INTS15: variants seen among roughly 807,000 people sequenced by gnomAD.
INTS15 encodes the protein uncharacterized protein C7orf26.
At chr7:6,591,951 C>A in the INTS15 span, 2 of 1,270,832 alleles carry the variant, frequency 1.6e-6, no homozygotes, top group South Asian at 2.5e-5. Context: ...GTGGGCGGAT[C>A]ACTTGAGGTC....
the INTS15 span, among the ~76,000 whole-genome samples, chr7:6,591,172 C>T: frequency 5.9e-5 from 9 of 152,038 alleles, no homozygotes; most frequent in Admixed American, 2.0e-4. Flanking sequence ...GCAAAGATCT[C>T]CCTGAGACCT....
the INTS15 span, among the ~76,000 whole-genome samples, chr7:6,592,543 G>T: frequency 2.6e-5 from 4 of 151,958 alleles, no homozygotes; most frequent in Non-Finnish European, 5.9e-5. Context: ...CTCCAGCCTG[G>T]GTTACAGAGT....
chr7:6,590,157 G>T, the INTS15 span: 1 of 779,124 alleles, frequency 1.3e-6, no homozygotes, highest in Non-Finnish European at 1.8e-6. Flanking sequence ...GGCGGCAGGC[G>T]GGCAAGCGGG....
chr7:6,591,353 G>A, the INTS15 span, among the ~76,000 whole-genome samples: 5 of 146,666 alleles, frequency 3.4e-5, no homozygotes, highest in African/African-American at 7.6e-5. Context: ...TGCAACCTCC[G>A]CCTCCCAGGT....
chr7:6,606,733 C>A, the INTS15 span, among the ~76,000 whole-genome samples: 1 of 148,996 alleles, frequency 6.7e-6, no homozygotes, highest in Admixed American at 6.7e-5. Context: ...GGGACTCACA[C>A]TGGCTCCCAG....
the INTS15 span, among the ~76,000 whole-genome samples, chr7:6,594,001 C>CT: frequency 0.14 from 9,413 of 68,844 alleles, 1,213 homozygotes; most frequent in African/African-American, 0.35. Flanking sequence ...AAGCCTTTAA[C>CT]TTTTTTTTTT....
the INTS15 span, chr7:6,602,200 A>G: frequency 7.0e-7 from 1 of 1,429,776 alleles, no homozygotes; most frequent in Non-Finnish European, 9.7e-7. Context: ...GAGGGAGGCA[A>G]GACAGGGCGA....
the INTS15 span, among the ~76,000 whole-genome samples, chr7:6,605,202 T>A: frequency 6.6e-6 from 1 of 152,170 alleles, no homozygotes; most frequent in African/African-American, 2.4e-5. Context: ...TTGGCCAGGC[T>A]GGTCTCGAAC....
the INTS15 span, among the ~76,000 whole-genome samples, chr7:6,591,477 G>C: frequency 6.6e-6 from 1 of 151,912 alleles, no homozygotes; most frequent in African/African-American, 2.4e-5. Context: ...TGTTGGCCAG[G>C]CTGGTCTCGA....
the INTS15 span, among the ~76,000 whole-genome samples, chr7:6,603,572 C>A: frequency 6.6e-6 from 1 of 151,884 alleles, no homozygotes; most frequent in South Asian, 2.1e-4. Flanking sequence ...CTGGGCACGG[C>A]TCACAACTGT....
At chr7:6,602,704 C>G in the INTS15 span, 3 of 471,070 alleles carry the variant, frequency 6.4e-6, no homozygotes, top group African/African-American at 6.0e-5. Context: ...TTGTGAATTT[C>G]TCATCCTACT....
the INTS15 span, among the ~76,000 whole-genome samples, chr7:6,604,145 G>A: frequency 6.6e-6 from 1 of 152,020 alleles, no homozygotes; most frequent in African/African-American, 2.4e-5. Context: ...GCACGATCTC[G>A]GCTCACTGCA....
At chr7:6,591,764 A>G in the INTS15 span, 1 of 1,614,172 alleles carries the variant, frequency 6.2e-7, no homozygotes, top group East Asian at 2.2e-5. Flanking sequence ...CCTCAAGGGA[A>G]CAAAGCCGAT....
At chr7:6,600,167 G>A in the INTS15 span, 4 of 1,614,216 alleles carry the variant, frequency 2.5e-6, no homozygotes, top group African/African-American at 2.7e-5. Flanking sequence ...GCACCTGACC[G>A]AGAAGAATCT....
chr7:6,605,721 C>G, the INTS15 span, among the ~76,000 whole-genome samples: 2 of 152,130 alleles, frequency 1.3e-5, no homozygotes, highest in Non-Finnish European at 1.5e-5. Context: ...TTTTTTGAGA[C>G]AGAGTCTCGC....
the INTS15 span, among the ~76,000 whole-genome samples, chr7:6,597,108 T>A: frequency 6.6e-6 from 1 of 152,182 alleles, no homozygotes; most frequent in African/African-American, 2.4e-5. Flanking sequence ...CTTCTTTTCC[T>A]AGCAGTTTCC....
At chr7:6,600,401 C>G in the INTS15 span, 12 of 1,552,494 alleles carry the variant, frequency 7.7e-6, no homozygotes, top group South Asian at 5.8e-5. Context: ...GGGACACCGC[C>G]GCCCTGCAGA....
At chr7:6,607,489 C>A in the INTS15 span, 1 of 1,285,616 alleles carries the variant, frequency 7.8e-7, no homozygotes, top group Non-Finnish European at 1.0e-6. The surrounding 1 kb of genome is among the most constrained non-coding windows in gnomAD (Gnocchi z 6.0). Context: ...TGGGTCCAGG[C>A]CTGGGCCGTC....
At chr7:6,602,283 C>T in the INTS15 span, 35 of 629,378 alleles carry the variant, frequency 5.6e-5, no homozygotes, top group African/African-American at 3.9e-4. Context: ...AGAAAACGCA[C>T]GTGAATGGAA....
Sources: gnomAD v4.1 joint callset for allele counts (sites outside exome capture counted in the v4.1 genomes callset) on GRCh38, gnomAD v4.1.1 for gene constraint, Gnocchi (gnomAD v3.1) non-coding constraint, MANE v1.5 for transcripts, NCBI Gene and HGNC (gene_info 2026-07-23, HGNC 2026-07-21) for gene names.